The following NHSL1 variants were observed in gnomAD, a reference collection of about 807,000 sequenced individuals.
NHSL1 encodes NHS-like protein 1.
NHSL1 carries 48 observed loss-of-function variants against 95.0 expected under a neutral mutation model. That is an observed-to-expected ratio of 0.51 (90% CI 0.40 to 0.64). The LOEUF is 0.64. Among genes scored for constraint, NHSL1 ranks in the 30% least tolerant of loss-of-function variants. NHSL1 has a pLI of 0.00. For missense variants in NHSL1, 1,971 were observed against 2,077.7 expected, an observed-to-expected ratio of 0.95 and a Z score of 1.00; for synonymous variants, 783 against 833.9, an observed-to-expected ratio of 0.94 and a Z score of 1.05.
intron 7 of NHSL1, among the ~76,000 whole-genome samples, chr6:138,428,930 T>C (rs1775441813): frequency 6.6e-6 from 1 of 152,226 alleles, no homozygotes; most frequent in African/African-American, 2.4e-5. Context: ...CGGCTTAACG[T>C]AGTTGCACAT....
intron 1 of NHSL1, among the ~76,000 whole-genome samples, chr6:138,511,434 GTGTA>G (rs989489903): frequency 7.9e-5 from 12 of 152,012 alleles, no homozygotes; most frequent in African/African-American, 2.7e-4. Flanking sequence ...GAGAGAGAGT[GTGTA>G]TGTGTGTGTG....
intron 1 of NHSL1, among the ~76,000 whole-genome samples, chr6:138,682,596 C>T (rs1415819766): frequency 6.6e-6 from 1 of 152,102 alleles, no homozygotes; most frequent in South Asian, 2.1e-4. Context: ...GTGTAATCCT[C>T]ACCACTTAGC....
chr6:138,659,119 G>T lies in NHSL1; in HGVS notation c.96+33357C>A, dbSNP rs1168963480. On this transcript the variant is annotated intron_variant, in intron 1 of 3. Coordinates refer to the NHSL1 transcript ENST00000491526. ...GGCTGGAGTGTAGTGGCAAGATCTT[G>T]GCTCACTGCAACCTCCACTTTCCGA... Among the ~76,000 whole-genome samples, 3 of 139,434 alleles carry T rather than the reference G, an allele frequency of 2.2e-5. No individual in the cohort carries two copies. The East Asian group carries it at 6.4e-4, about 30-fold the overall frequency. 91.5% of individuals were successfully genotyped at this position (139,434 alleles called of 152,430 possible). A position where few individuals can be genotyped will look rare whatever the true frequency, so the allele number is the denominator to read the frequency against.
intron 1 of NHSL1, among the ~76,000 whole-genome samples, chr6:138,630,347 C>T (rs1784802678): frequency 6.6e-6 from 1 of 151,914 alleles, no homozygotes; most frequent in African/African-American, 2.4e-5. Context: ...TTTCAATATG[C>T]TTTAAAGGAA....
intron 1 of NHSL1, among the ~76,000 whole-genome samples, chr6:138,515,740 C>T (rs373603606): frequency 6.6e-6 from 1 of 152,346 alleles, no homozygotes; most frequent in South Asian, 2.1e-4. Flanking sequence ...ATAACTCTAA[C>T]GGCTGGAAGT....
chr6:138,591,033 G>A (rs1049783224), intron 1 of NHSL1, among the ~76,000 whole-genome samples: 1 of 152,042 alleles, frequency 6.6e-6, no homozygotes, highest in Non-Finnish European at 1.5e-5. Flanking sequence ...CAATCCTCTG[G>A]GAATCGCCTC....
upstream of NHSL1, among the ~76,000 whole-genome samples, chr6:138,499,744 G>A (rs1175854131): frequency 6.6e-6 from 1 of 152,126 alleles, no homozygotes; most frequent in Non-Finnish European, 1.5e-5. Context: ...ATTTCATTAG[G>A]CCCCTATGAA....
upstream of NHSL1, among the ~76,000 whole-genome samples, chr6:138,574,133 G>A (rs1179487204): frequency 6.6e-6 from 1 of 152,004 alleles, no homozygotes; most frequent in Non-Finnish European, 1.5e-5. Flanking sequence ...GGGTTTCACC[G>A]TGTTAGCCAG....
chr6:138,488,258 C>A lies in NHSL1; in HGVS notation c.211+7961G>T, dbSNP rs537870157. ...ACACCACTGCACTCCAGCCTGGGCACCAGAGCAAGACTCTGTCTCAAAAAA... is the reference window on the plus strand; with the variant it reads ...ACACCACTGCACTCCAGCCTGGGCAACAGAGCAAGACTCTGTCTCAAAAAA... On this transcript the variant is annotated intron_variant, in intron 2 of 7. Transcript: ENST00000343505. Among the ~76,000 whole-genome samples the A allele has an allele frequency of 9.8e-3, 1,476 of 150,962 alleles. 9 individuals are homozygous for A. Among genetic ancestry groups the A allele is most frequent in the Non-Finnish European group, 0.018 (1,209 of 67,854 alleles).
At chr6:138,603,334 G>T (rs1205798238) in intron 1 of NHSL1, among the ~76,000 whole-genome samples, 2 of 152,140 alleles carry the variant, frequency 1.3e-5, no homozygotes, top group Non-Finnish European at 2.9e-5. Context: ...ACAGGGATGA[G>T]CCAACTGTGT....
chr6:138,578,210 AACTCCC>A (rs1286159294), intron 1 of NHSL1, among the ~76,000 whole-genome samples: 1 of 152,210 alleles, frequency 6.6e-6, no homozygotes, highest in Non-Finnish European at 1.5e-5. Context: ...CCACCAGCCC[AACTCCC>A]ACCTTTCAAA....
At chr6:138,437,316 A>G (rs1776182514) in intron 5 of NHSL1, among the ~76,000 whole-genome samples, 1 of 99,954 alleles carries the variant, frequency 1.0e-5, no homozygotes, top group South Asian at 3.3e-4. Context: ...ATATATATAT[A>G]TATACACACA....
chr6:138,491,705 A>G (rs1188693892), intron 2 of NHSL1, among the ~76,000 whole-genome samples: 1 of 152,234 alleles, frequency 6.6e-6, no homozygotes, highest in Non-Finnish European at 1.5e-5. Context: ...CTATTGAAGC[A>G]AATATTAAAA....
At position 138,432,267 on chromosome 6, in the gene NHSL1, C is replaced by G; in HGVS notation, c.2078G>C (p.Gly693Ala). The G allele has an allele frequency of 6.4e-7, 1 of 1,550,894 alleles. No individual in the cohort carries two copies. The highest frequency in any genetic ancestry group is 8.7e-7 in the Non-Finnish European group (1 of 1,146,638). The change falls in exon 6 of 8, where the codon GGG becomes GCG. Residue 693 changes from glycine (G) to alanine (A), a missense_variant. This residue lies in a region of NHSL1 where 1,602 missense variants were observed against 1,654.5 expected (regional missense o/e 0.97). Transcript: ENST00000343505. The surrounding 1 kb of genome is among the most constrained non-coding windows in gnomAD (Gnocchi z 4.4). Reference protein sequence around the residue: ...RIPKKSSQCNGQVLNESLIAT... With the variant: ...RIPKKSSQCNAQVLNESLIAT... ...GATCAGGCTCTCGTTGAGCACCTGCCCGTTGCACTGGCTGCTCTTCTTGGG... is the reference window on the plus strand; with the variant it reads ...GATCAGGCTCTCGTTGAGCACCTGCGCGTTGCACTGGCTGCTCTTCTTGGG...
intron 1 of NHSL1, among the ~76,000 whole-genome samples, chr6:138,589,638 T>C (rs1187156734): frequency 6.6e-6 from 1 of 152,210 alleles, no homozygotes; most frequent in African/African-American, 2.4e-5. Context: ...CCCTCATCTA[T>C]GCCTTCCCTG....
intron 1 of NHSL1, among the ~76,000 whole-genome samples, chr6:138,611,662 C>A (rs1384554757): frequency 6.6e-6 from 1 of 152,094 alleles, no homozygotes; most frequent in Non-Finnish European, 1.5e-5. Context: ...AGGAGAATGG[C>A]GTGAACCCGG....
intron 1 of NHSL1, among the ~76,000 whole-genome samples, chr6:138,534,197 A>G (rs1295405399): frequency 1.3e-5 from 2 of 152,332 alleles, no homozygotes; most frequent in East Asian, 1.9e-4. Context: ...AGTGATGGTT[A>G]AAGTCTTTTT....
chr6:138,516,173 C>G (rs1379236581), intron 1 of NHSL1, among the ~76,000 whole-genome samples: 1 of 152,126 alleles, frequency 6.6e-6, no homozygotes, highest in Non-Finnish European at 1.5e-5. Context: ...GTGTGCCATC[C>G]CTACTTTCAT....
intron 1 of NHSL1, among the ~76,000 whole-genome samples, chr6:138,521,124 T>C (rs1781662215): frequency 6.6e-6 from 1 of 152,138 alleles, no homozygotes; most frequent in Admixed American, 6.5e-5. Flanking sequence ...AATTAGCTAA[T>C]GCCAACATCT....
Sources: gnomAD v4.1 joint callset for allele counts (sites outside exome capture counted in the v4.1 genomes callset) on GRCh38, gnomAD v4.1.1 for gene constraint, gnomAD v4.1.1 regional missense constraint, Gnocchi (gnomAD v3.1) non-coding constraint, MANE v1.5 for transcripts, NCBI Gene and HGNC (gene_info 2026-07-23, HGNC 2026-07-21) for gene names.